The following TNFRSF12A variants were observed in gnomAD, a reference collection of about 807,000 sequenced individuals.
TNFRSF12A encodes the protein tumor necrosis factor receptor superfamily member 12A.
A neutral mutation model predicts 15.5 loss-of-function variants in TNFRSF12A; 13 were observed. The ratio of observed to expected loss-of-function variants is 0.84; its 90% CI spans 0.54 to 1.33. The LOEUF is 1.33. Ranked by LOEUF, TNFRSF12A falls within the 40% of genes most tolerant of loss-of-function variation. TNFRSF12A has a pLI of 0.00. For synonymous variants in TNFRSF12A, 89 were observed against 78.4 expected (o/e 1.14, Z -0.71); for missense variants, 174 against 173.6 (o/e 1.00, Z -0.01).
At position 3,021,761 on chromosome 16, in the gene TNFRSF12A, T is replaced by C; in HGVS notation, c.335-10T>C. On this transcript the variant is annotated splice_polypyrimidine_tract_variant and intron_variant, in intron 3 of 3. Coordinates refer to ENST00000326577, the MANE Select transcript of TNFRSF12A (RefSeq NM_016639.3). Reference sequence around the variant, plus strand: ...CTCTGCTGCTGACGACCCCACCTCTTATCTTGCAGCCCCCATAGAGGAGAC... The same window carrying C: ...CTCTGCTGCTGACGACCCCACCTCTCATCTTGCAGCCCCCATAGAGGAGAC... 1.9e-6 allele frequency: 3 copies of C among 1,612,196 alleles called. No individual in the cohort carries two copies. The highest frequency in any genetic ancestry group is 2.5e-6 in the Non-Finnish European group (3 of 1,178,892).
chr16:3,021,024 C>A (rs77910200), intron 1 of TNFRSF12A, 191 bp from the exon 2 acceptor site: 263 of 485,952 alleles, frequency 5.4e-4, no homozygotes, highest in Non-Finnish European at 8.6e-4. Context: ...TGACCCCCCC[C>A]ACCCCCAGCG....
chr16:3,020,715 G>T (rs895956023), intron 1 of TNFRSF12A: 1 of 397,668 alleles, frequency 2.5e-6, no homozygotes, highest in Non-Finnish European at 4.4e-6. Context: ...GTTGGGGGGG[G>T]TCTTCAGTTC....
chr16:3,022,097 C>T lies in TNFRSF12A; in HGVS notation c.*271C>T, dbSNP rs978387467. 2.1e-6 allele frequency: 1 copy of T among 481,332 alleles called. No individual in the cohort carries two copies. Among genetic ancestry groups the T allele is most frequent in the Non-Finnish European group, 3.6e-6 (1 of 274,366 alleles). 29.8% of individuals were successfully genotyped at this position (481,332 alleles called of 1,614,324 possible). ...ACTGACTAAGGAACTGCAGCATTTG[C>T]ACAGGGGAGGGGGGTGCCCTCCTTC... On this transcript the variant is annotated 3_prime_UTR_variant, in exon 4 of 4. Coordinates refer to ENST00000326577, the MANE Select transcript of TNFRSF12A (RefSeq NM_016639.3).
In TNFRSF12A at chr16:3,021,575, C is replaced by G. The variant is rs373195860; in HGVS notation, c.220C>G (p.Pro74Ala). The G allele has an allele frequency of 1.2e-6, 2 of 1,611,662 alleles. No individual in the cohort carries two copies. The highest frequency in any genetic ancestry group is 2.7e-5 in the African/African-American group (2 of 74,910). ...CCCAGGCGCTGCAGCACCTCCTGCCCCCTTCCGGCTGCTTTGGCCCATCCT... is the reference window on the plus strand; with the variant it reads ...CCCAGGCGCTGCAGCACCTCCTGCCGCCTTCCGGCTGCTTTGGCCCATCCT... ...CLGCAAAPPA[P>A]FRLLWPILGG... is the part of the protein sequence containing the mutation. Residue 74 changes from proline to alanine, a missense_variant, in exon 3 of 4, where the codon CCC (proline) becomes GCC (alanine). Physicochemically the swap from Pro to Ala is conservative, Grantham distance 27 (BLOSUM62 -1). Transcript: ENST00000326577.
rs1430623034 is a variant in TNFRSF12A, at chr16:3,021,218, C to T, written c.98C>T (p.Thr33Ile). Reference protein sequence around the residue: ...RSVAGEQAPGTAPCSRGSSWS... With the variant: ...RSVAGEQAPGIAPCSRGSSWS... ...TGACCCGAGGCCCCCTCCCCAGGCA[C>T]CGCCCCCTGCTCCCGCGGCAGCTCC... Residue 33 changes from threonine (T) to isoleucine (I), a missense_variant, in exon 2 of 4, where the codon ACC becomes ATC. Transcript: ENST00000326577. The T allele has an allele frequency of 2.5e-6, 4 of 1,576,132 alleles. No homozygotes were observed. The highest frequency in any genetic ancestry group is 3.4e-6 in the Non-Finnish European group (4 of 1,166,342).
chr16:3,021,727 C>T (rs757893050), intron 3 of TNFRSF12A, 38 bp downstream of exon 3: 7 of 1,611,024 alleles, frequency 4.3e-6, no homozygotes, highest in Non-Finnish European at 5.9e-6. Flanking sequence ...TGTCAGCACT[C>T]GACCTTTTCT....
Position 3,021,851 on chromosome 16 carries a change from C to A in TNFRSF12A, c.*25C>A. The A allele has an allele frequency of 6.2e-7, 1 of 1,608,826 alleles. No homozygotes were observed. The highest frequency in any genetic ancestry group is 8.5e-7 in the Non-Finnish European group (1 of 1,178,574). ...ACAATGTGCCCCCTGCCAGCCGGGG[C>A]TCGCCCACTCATCATTCATTCATCC... On this transcript the variant is annotated 3_prime_UTR_variant, in exon 4 of 4. Transcript: ENST00000326577.
Position 3,022,130 on chromosome 16 carries a change from C to A in TNFRSF12A, c.*304C>A. ...AGGGGGGTGCCCTCCTTCCTAGAGG[C>A]CCTGGGGGCCAGGCTGACTTGGGGG... On this transcript the variant is annotated 3_prime_UTR_variant, in exon 4 of 4. Transcript: ENST00000326577. 1 of 438,096 alleles carries A rather than the reference C, an allele frequency of 2.3e-6. No individual in the cohort carries two copies. The highest frequency in any genetic ancestry group is 4.0e-6 in the Non-Finnish European group (1 of 249,358). The allele number at this position is 438,096 out of a possible 1,614,324, so 27.1% of individuals were successfully genotyped here. A position where few individuals can be genotyped will look rare whatever the true frequency, so the allele number is the denominator to read the frequency against.
rs759613525 is a variant in TNFRSF12A at position 3,021,787 on chromosome 16, C to T, written c.351C>T (p.Thr117=). 2 of 1,613,066 alleles carry T rather than the reference C, an allele frequency of 1.2e-6. No individual in the cohort carries two copies. The highest frequency in any genetic ancestry group is 1.3e-5 in the African/African-American group (1 of 75,022). ...REKFTTPIEE[T]GGEGCPAVAL... ...ATCTTGCAGCCCCCATAGAGGAGAC[C>T]GGCGGAGAGGGCTGCCCAGCTGTGG... The change falls in exon 4 of 4, where the codon ACC becomes ACT. Residue 117 remains threonine, a synonymous_variant. Transcript: ENST00000326577.
Position 3,021,763 on chromosome 16 carries a change from T to C in TNFRSF12A, c.335-8T>C, listed in dbSNP as rs749013242. The C allele has an allele frequency of 1.2e-6, 2 of 1,612,260 alleles. No individual in the cohort carries two copies. Among genetic ancestry groups the C allele is most frequent in the Non-Finnish European group, 1.7e-6 (2 of 1,178,932 alleles). Reference sequence around the variant, plus strand: ...CTGCTGCTGACGACCCCACCTCTTATCTTGCAGCCCCCATAGAGGAGACCG... The same window carrying C: ...CTGCTGCTGACGACCCCACCTCTTACCTTGCAGCCCCCATAGAGGAGACCG... On this transcript the variant is annotated splice_region_variant and splice_polypyrimidine_tract_variant and intron_variant, in intron 3 of 3. Coordinates refer to ENST00000326577, the MANE Select transcript of TNFRSF12A (RefSeq NM_016639.3).
rs2072622959 is a variant in TNFRSF12A, at chr16:3,022,296, A to G, written c.*470A>G. 7.4e-6 allele frequency: 2 copies of G among 269,856 alleles called. No homozygotes were observed. Among genetic ancestry groups the G allele is most frequent in the Non-Finnish European group, 1.4e-5 (2 of 144,074 alleles). The allele number at this position is 269,856 out of a possible 1,614,324, so 16.7% of individuals were successfully genotyped here. A position where few individuals can be genotyped will look rare whatever the true frequency, so the allele number is the denominator to read the frequency against. ...TGGCCCTAAGATACAGACCCCCCCA[A>G]CTCCCCAAAGCGGGGAGGAGATATT... On this transcript the variant is annotated 3_prime_UTR_variant, in exon 4 of 4. Coordinates refer to ENST00000326577, the MANE Select transcript of TNFRSF12A (RefSeq NM_016639.3).
Position 3,021,200 on chromosome 16 carries a change from A to T in TNFRSF12A, c.95-15A>T. The T allele has an allele frequency of 6.9e-7, 1 of 1,454,544 alleles. No homozygotes were observed. Among genetic ancestry groups the T allele is most frequent in the Non-Finnish European group, 9.3e-7 (1 of 1,073,972 alleles). The allele number at this position is 1,454,544 out of a possible 1,614,324, so 90.1% of individuals were successfully genotyped here. On this transcript the variant is annotated splice_polypyrimidine_tract_variant and intron_variant, in intron 1 of 3. Transcript: ENST00000326577. ...AGTCCCGCCCCCAGCCTCTGACCCG[A>T]GGCCCCCTCCCCAGGCACCGCCCCC...
Position 3,021,647 on chromosome 16 carries a change from T to C in TNFRSF12A, c.292T>C (p.Phe98Leu), listed in dbSNP as rs2072613176. The change falls in exon 3 of 4, where the codon TTT (phenylalanine) becomes CTT (leucine). Residue 98 changes from phenylalanine to leucine, a missense_variant. By Grantham distance (22) the Phe-to-Leu change is conservative. Transcript: ENST00000326577. The part of the protein sequence containing the change: ...LTFVLGLLSG[F>L]LVWRRCRRRE... ...CTTCGTGCTGGGGCTGCTTTCTGGC[T>C]TTTTGGTCTGGAGACGATGCCGCAG... 1.2e-6 allele frequency: 2 copies of C among 1,613,652 alleles called. No homozygotes were observed. The highest frequency in any genetic ancestry group is 2.2e-5 in the South Asian group (2 of 91,076).
At chr16:3,020,538 G>A (rs779648460) in intron 1 of TNFRSF12A, 47 bp downstream of exon 1, 108 of 1,228,278 alleles carry the variant, frequency 8.8e-5, no homozygotes, top group Non-Finnish European at 1.1e-4. Flanking sequence ...GGGCTCGGGA[G>A]CCGGACTGGG....
rs1342810474 is a variant in TNFRSF12A at position 3,021,880 on chromosome 16, C to T, written c.*54C>T. ...CCCACTCATCATTCATTCATCCATT[C>T]TAGAGCCAGTCTCTGCCTCCCAGAC... On this transcript the variant is annotated 3_prime_UTR_variant, in exon 4 of 4. Transcript: ENST00000326577. The T allele has an allele frequency of 3.8e-6, 6 of 1,584,880 alleles. No individual in the cohort carries two copies. Among genetic ancestry groups the T allele is most frequent in the South Asian group, 3.4e-5 (3 of 88,916 alleles).
At chr16:3,021,026 C>T (rs981340134) in intron 1 of TNFRSF12A, 189 bp from the exon 2 acceptor site, 7 of 479,380 alleles carry the variant, frequency 1.5e-5, no homozygotes, top group East Asian at 3.5e-5. Context: ...ACCCCCCCCA[C>T]CCCCAGCGTC....
At chr16:3,020,622 T>A (rs2072600921) in intron 1 of TNFRSF12A, 131 bp downstream of exon 1, 5 of 542,100 alleles carry the variant, frequency 9.2e-6, no homozygotes, top group Middle Eastern at 5.9e-4. Flanking sequence ...TTCAAACAGC[T>A]CGCTCCCGGC....
intron 1 of TNFRSF12A, 73 bp from the exon 2 acceptor site, chr16:3,021,142 G>C (rs1339065893): frequency 7.6e-6 from 6 of 789,702 alleles, no homozygotes; most frequent in Non-Finnish European, 9.6e-6. Context: ...TATTCGAGCC[G>C]GCCGACCCTG....
rs2232796 is a variant in TNFRSF12A, at chr16:3,021,121, G to A, written c.95-94G>A. On this transcript the variant is annotated intron_variant, in intron 1 of 3. Coordinates refer to ENST00000326577, the MANE Select transcript of TNFRSF12A (RefSeq NM_016639.3). ...TGAGGAATGCGCGGGGAGGGCGCCG[G>A]TGACTCACGTTATTCGAGCCGGCCG... The A allele has an allele frequency of 6.3e-4, 401 of 637,158 alleles. 2 individuals carry two copies. The East Asian group carries it at 0.012, about 19-fold the overall frequency. The allele number at this position is 637,158 out of a possible 1,614,324, so 39.5% of individuals were successfully genotyped here. A position where few individuals can be genotyped will look rare whatever the true frequency, so the allele number is the denominator to read the frequency against.
Sources: allele counts gnomAD v4.1 joint callset, GRCh38; gene constraint gnomAD v4.1.1; transcripts MANE v1.5; gene names NCBI Gene and HGNC (gene_info 2026-07-23, HGNC 2026-07-21).